Variants in IL1RAP observed in about 807,000 individuals in gnomAD.
The protein encoded by IL1RAP is interleukin-1 receptor accessory protein.
A neutral mutation model predicts 60.7 loss-of-function variants in IL1RAP; 35 were observed. The ratio of observed to expected loss-of-function variants is 0.58; its 90% CI spans 0.44 to 0.76. The LOEUF is 0.76. IL1RAP is among the 30% of genes least tolerant of loss of function. The pLI, the probability that IL1RAP is intolerant of heterozygous loss-of-function variation, is 0.00. For synonymous variants in IL1RAP, 268 were observed against 250.9 expected, an observed-to-expected ratio of 1.07 and a Z score of -0.64; for missense variants, 572 against 693.9, an observed-to-expected ratio of 0.82 and a Z score of 1.97.
exon 12 of IL1RAP, chr3:190,657,921 G>C (rs533797298): frequency 1.3e-5 from 2 of 152,200 alleles, no homozygotes; most frequent in South Asian, 2.1e-4. Context: ...CAGGTATGGT[G>C]GTGGGCACCT....
At chr3:190,564,576 G>A (rs562323936) in intron 3 of IL1RAP, 17 of 536,480 alleles carry the variant, frequency 3.2e-5, no homozygotes, top group Non-Finnish European at 4.7e-5. Context: ...GCAGTGGGCC[G>A]CTGTGTTTAA....
chr3:190,530,251 A>G (rs1014235332), intron 1 of IL1RAP, among the ~76,000 whole-genome samples: 7 of 152,158 alleles, frequency 4.6e-5, no homozygotes. Context: ...GGGACCTTAA[A>G]TGCTCTGTTA....
chr3:190,528,362 G>A (rs542393971), intron 1 of IL1RAP, among the ~76,000 whole-genome samples: 1 of 152,228 alleles, frequency 6.6e-6, no homozygotes, highest in South Asian at 2.1e-4. Context: ...TGTTGGACCG[G>A]GCATATAATA....
At chr3:190,570,212 C>T (rs1046000006) in intron 3 of IL1RAP, among the ~76,000 whole-genome samples, 1 of 152,212 alleles carries the variant, frequency 6.6e-6, no homozygotes, top group Non-Finnish European at 1.5e-5. Flanking sequence ...GAACCTCAGT[C>T]ACCTTCAAGT....
At chr3:190,625,379 T>C (rs1732161391) in intron 7 of IL1RAP, among the ~76,000 whole-genome samples, 1 of 151,828 alleles carries the variant, frequency 6.6e-6, no homozygotes, top group African/African-American at 2.4e-5. Context: ...TTAACATGAG[T>C]AGGAGTAAAA....
intron 1 of IL1RAP, among the ~76,000 whole-genome samples, chr3:190,522,099 A>T (rs1260826186): frequency 6.6e-6 from 1 of 152,118 alleles, no homozygotes; most frequent in Non-Finnish European, 1.5e-5. Flanking sequence ...CTGGAAGATT[A>T]TACTTCAGTT....
chr3:190,609,717 A>G (rs1202219850), intron 5 of IL1RAP, among the ~76,000 whole-genome samples: 3 of 152,192 alleles, frequency 2.0e-5, no homozygotes, highest in African/African-American at 7.2e-5. Flanking sequence ...TCAAGTCTCC[A>G]CATACACCAA....
Position 190,604,465 on chromosome 3 carries a change from C to G in IL1RAP, c.350+52C>G, listed in dbSNP as rs776111349. On this transcript the variant is annotated intron_variant, in intron 4 of 11. Transcript: ENST00000447382. ...CTCTTTTCCCTTTAGTTTCTGGGCT[C>G]TTTTCCGGATGATCCGTGTGCTAGG... is the stretch of plus-strand genomic sequence containing the variant. 128 of 1,569,498 alleles carry G rather than the reference C, an allele frequency of 8.2e-5. 2 individuals carry two copies. In the South Asian group the frequency reaches 1.3e-3, roughly 16 times the overall value.
At chr3:190,632,895 A>T (rs543894466) in intron 9 of IL1RAP, among the ~76,000 whole-genome samples, 1 of 152,324 alleles carries the variant, frequency 6.6e-6, no homozygotes, top group African/African-American at 2.4e-5. Context: ...CAAAAAATTA[A>T]TTCTATGAAT....
intron 3 of IL1RAP, 156 bp downstream of exon 3, chr3:190,564,509 T>C (rs1427947873): frequency 1.6e-6 from 1 of 643,448 alleles, no homozygotes. Flanking sequence ...AATAGAATTT[T>C]GATGATGGAA....
chr3:190,525,992 T>G (rs1273311154), intron 1 of IL1RAP, among the ~76,000 whole-genome samples: 1 of 151,986 alleles, frequency 6.6e-6, no homozygotes, highest in Non-Finnish European at 1.5e-5. Flanking sequence ...AAAGGCAAAT[T>G]AAATTCCATA....
chr3:190,644,972 C>T (rs1333158330), intron 10 of IL1RAP, among the ~76,000 whole-genome samples: 1 of 152,174 alleles, frequency 6.6e-6, no homozygotes, highest in Non-Finnish European at 1.5e-5. Context: ...AGCAACATAT[C>T]ACGTGTAGCT....
chr3:190,594,451 A>G (rs189340811), intron 3 of IL1RAP, among the ~76,000 whole-genome samples: 84 of 152,224 alleles, frequency 5.5e-4, no homozygotes, highest in African/African-American at 2.0e-3. Flanking sequence ...ATATCTATCT[A>G]TGTCCCACGC....
At chr3:190,622,020 G>T (rs188315288) in intron 6 of IL1RAP, among the ~76,000 whole-genome samples, 1 of 148,290 alleles carries the variant, frequency 6.7e-6, no homozygotes, top group Non-Finnish European at 1.5e-5. Flanking sequence ...AGACTAATGT[G>T]CCGGCCTTAA....
intron 1 of IL1RAP, among the ~76,000 whole-genome samples, chr3:190,553,109 T>G (rs1345130996): frequency 1.3e-5 from 2 of 152,152 alleles, no homozygotes; most frequent in African/African-American, 4.8e-5. Context: ...AAGCCAGGAT[T>G]GAATCCCGGC....
At chr3:190,562,842 A>C (rs1281299010) in intron 2 of IL1RAP, among the ~76,000 whole-genome samples, 1 of 152,168 alleles carries the variant, frequency 6.6e-6, no homozygotes, top group African/African-American at 2.4e-5. Context: ...TGGAGAGAAA[A>C]AGATTTCCCC....
chr3:190,626,882 C>G (rs984962319), intron 7 of IL1RAP, among the ~76,000 whole-genome samples: 6 of 152,084 alleles, frequency 3.9e-5, no homozygotes, highest in Non-Finnish European at 8.8e-5. Flanking sequence ...GTTGGCCAGG[C>G]TGGTCTTGAA....
intron 9 of IL1RAP, among the ~76,000 whole-genome samples, chr3:190,639,760 T>C (rs1044012121): frequency 1.1e-3 from 170 of 152,352 alleles, no homozygotes; most frequent in Non-Finnish European, 2.8e-4. Flanking sequence ...TTAAATTACT[T>C]GCATAACTGC....
chr3:190,529,711 G>A (rs141169645), intron 1 of IL1RAP, among the ~76,000 whole-genome samples: 15,283 of 146,724 alleles, frequency 0.1, 1,086 homozygotes, highest in Middle Eastern at 0.3. Context: ...AAATTTAGCC[G>A]GGCGTGGTGG....
Sources: gnomAD v4.1 joint callset for allele counts (sites outside exome capture counted in the v4.1 genomes callset) on GRCh38, gnomAD v4.1.1 for gene constraint, MANE v1.5 for transcripts, NCBI Gene and HGNC (gene_info 2026-07-23, HGNC 2026-07-21) for gene names.